Variants in OR5T1 observed in about 807,000 individuals in gnomAD.
OR5T1 encodes the protein olfactory receptor 5T1.
Under a neutral mutation model 10.1 loss-of-function variants are expected in OR5T1, and 14 were observed. The observed-to-expected ratio is 1.39, with a 90% CI of 0.92 to 2.18. The LOEUF is 2.18. OR5T1 is among the 30% of genes most tolerant of loss of function. The pLI is 0.00. For missense variants in OR5T1, 461 were observed against 383.9 expected (o/e 1.20, Z -1.68); for synonymous variants, 166 against 141.2 (o/e 1.18, Z -1.24).
Position 56,275,793 on chromosome 11 carries a change from T to C in OR5T1, c.155T>C (p.Ile52Thr), listed in dbSNP as rs373436867. 29 of 1,612,994 alleles carry C rather than the reference T, an allele frequency of 1.8e-5. No homozygotes were observed. The highest frequency in any genetic ancestry group is 3.3e-5 in the South Asian group (3 of 91,054). ...LFLAIYLFTL[I>T]GNLGLVVPII... ...TTAGCAATCTATCTATTCACTCTAA[T>C]AGGCAATTTAGGGCTGGTTGTACCG... Residue 52 changes from isoleucine to threonine, a missense_variant, in exon 3 of 3, where the codon ATA becomes ACA. By Grantham distance (89) the Ile-to-Thr change is moderately conservative (BLOSUM62 -1). Transcript: ENST00000641665.
intron 2 of OR5T1, among the ~76,000 whole-genome samples, chr11:56,275,119 T>C (rs1590816674): frequency 6.6e-6 from 1 of 152,344 alleles, no homozygotes; most frequent in East Asian, 1.9e-4. Context: ...ACTGATTAAA[T>C]AGACTTTTTT....
At position 56,276,111 on chromosome 11, in the gene OR5T1, C is replaced by A; in HGVS notation, c.473C>A (p.Thr158Asn). The A allele has an allele frequency of 3.7e-6, 6 of 1,614,182 alleles. No homozygotes were observed. The highest frequency in any genetic ancestry group is 1.6e-4 in the Middle Eastern group (1 of 6,062). ...MSPRVYVPLI[T>N]ASYVASILHA... ...CCCAGAGTCTATGTGCCACTCATCA[C>A]TGCTTCCTATGTTGCTAGCATTTTA... is the stretch of plus-strand genomic sequence containing the variant. The change falls in exon 3 of 3, where the codon ACT (threonine) becomes AAT (asparagine). Residue 158 changes from threonine (T) to asparagine (N), a missense_variant. Thr to Asn is a moderately conservative substitution (Grantham distance 65). Transcript: ENST00000641665.
rs1346998515 is a variant in OR5T1, at chr11:56,275,787, C to G, written c.149C>G (p.Thr50Ser). 1 of 1,612,896 alleles carries G rather than the reference C, an allele frequency of 6.2e-7. No homozygotes were observed. The highest frequency in any genetic ancestry group is 1.3e-5 in the African/African-American group (1 of 75,020). ...TTATTTTTAGCAATCTATCTATTCACTCTAATAGGCAATTTAGGGCTGGTT... is the reference window on the plus strand; with the variant it reads ...TTATTTTTAGCAATCTATCTATTCAGTCTAATAGGCAATTTAGGGCTGGTT... The part of the protein sequence containing the change: ...FLLFLAIYLF[T>S]LIGNLGLVVP... Residue 50 changes from threonine to serine, a missense_variant, in exon 3 of 3, where the codon ACT becomes AGT. Thr to Ser is a moderately conservative substitution (Grantham distance 58, BLOSUM62 1). Transcript: ENST00000641665.
At chr11:56,275,171 T>C (rs535266637) in intron 2 of OR5T1, among the ~76,000 whole-genome samples, 42 of 152,216 alleles carry the variant, frequency 2.8e-4, no homozygotes, top group Non-Finnish European at 5.3e-4. Context: ...ATGTGCAGTT[T>C]TGTTACATAG....
chr11:56,276,536 A>G lies in OR5T1; in HGVS notation c.898A>G (p.Ile300Val), dbSNP rs1320394525. Residue 300 changes from isoleucine to valine, a missense_variant, in exon 3 of 3, where the codon ATC (isoleucine) becomes GTC (valine). Transcript: ENST00000641665. Reference protein sequence around the residue: ...YTIVIPMLNPIIYSLRNKDVK... With the variant: ...YTIVIPMLNPVIYSLRNKDVK... Reference sequence around the variant, plus strand: ...CATTGTGATTCCCATGCTGAATCCCATCATCTACAGTTTGCGGAACAAAGA... The same window carrying G: ...CATTGTGATTCCCATGCTGAATCCCGTCATCTACAGTTTGCGGAACAAAGA... 9 of 1,613,522 alleles carry G rather than the reference A, an allele frequency of 5.6e-6. No individual in the cohort carries two copies. The highest frequency in any genetic ancestry group is 7.6e-6 in the Non-Finnish European group (9 of 1,179,408).
Position 56,276,618 on chromosome 11 carries a change from A to G in OR5T1, c.980A>G (p.Ter327TrpextTer2), listed in dbSNP as rs766609213. 6.2e-7 allele frequency: 1 copy of G among 1,600,520 alleles called. No homozygotes were observed. Among genetic ancestry groups the G allele is most frequent in the Non-Finnish European group, 8.5e-7 (1 of 1,172,178 alleles). The change falls in exon 3 of 3, where the codon TAG (stop) becomes TGG (tryptophan). Residue 327 changes from the stop codon to tryptophan, a stop_lost. Transcript: ENST00000641665. ...LVRNWFINKL[*>W] ...AGAAATTGGTTCATAAATAAGTTAT[A>G]GTTTTAAAATTGAGTAAAGTTGCAA...
At chr11:56,275,408 T>C (rs1281786019) in intron 2 of OR5T1, 78 bp from the exon 3 acceptor site, 11 of 370,132 alleles carry the variant, frequency 3.0e-5, no homozygotes, top group Non-Finnish European at 3.8e-5. Flanking sequence ...AATGATGGCT[T>C]CCAGCTTCAT....
chr11:56,274,576 T>C (rs906772252), intron 1 of OR5T1, 60 bp from the exon 2 acceptor site: 6 of 151,928 alleles, frequency 3.9e-5, no homozygotes, highest in African/African-American at 1.2e-4. Flanking sequence ...ATCTGAAAAA[T>C]AATAATGCTT....
rs1459751579 is a variant in OR5T1 at position 56,275,643 on chromosome 11, C to T, written c.5C>T (p.Ser2Leu). The T allele has an allele frequency of 6.4e-7, 1 of 1,561,484 alleles. No individual in the cohort carries two copies. The highest frequency in any genetic ancestry group is 8.6e-7 in the Non-Finnish European group (1 of 1,159,174). The change falls in exon 3 of 3, where the codon TCA becomes TTA. Residue 2 changes from serine to leucine, a missense_variant. By Grantham distance (145) the Ser-to-Leu change is moderately radical. Coordinates refer to ENST00000641665, the MANE Select transcript of OR5T1 (RefSeq NM_001004745.2). ...TACATATAAACAATAGCTAAAATGTCAGGGTTGCCTTCAGATATGGATCTA... is the reference window on the plus strand; with the variant it reads ...TACATATAAACAATAGCTAAAATGTTAGGGTTGCCTTCAGATATGGATCTA... MSGLPSDMDLYK... is the reference protein window; with the variant it reads MLGLPSDMDLYK...
rs376463706 is a variant in OR5T1 at position 56,275,822 on chromosome 11, A to G, written c.184A>G (p.Ile62Val). 1.2e-6 allele frequency: 2 copies of G among 1,613,674 alleles called. No homozygotes were observed. Among genetic ancestry groups the G allele is most frequent in the Non-Finnish European group, 1.7e-6 (2 of 1,179,590 alleles). The change falls in exon 3 of 3, where the codon ATT (isoleucine) becomes GTT (valine). Residue 62 changes from isoleucine to valine, a missense_variant. Transcript: ENST00000641665. ...IGNLGLVVPI[I>V]GDFWLHSPMY... Reference sequence around the variant, plus strand: ...CAATTTAGGGCTGGTTGTACCGATCATTGGGGATTTCTGGCTTCACAGCCC... The same window carrying G: ...CAATTTAGGGCTGGTTGTACCGATCGTTGGGGATTTCTGGCTTCACAGCCC...
Position 56,275,671 on chromosome 11 carries a change from C to G in OR5T1, c.33C>G (p.Tyr11Ter). Reference sequence around the variant, plus strand: ...GGTTGCCTTCAGATATGGATCTATACAAGCTTCAATTAAACAATTTTACTG... The same window carrying G: ...GGTTGCCTTCAGATATGGATCTATAGAAGCTTCAATTAAACAATTTTACTG... MSGLPSDMDL[Y>*]KLQLNNFTEV... The change falls in exon 3 of 3, where the codon TAC (tyrosine) becomes TAG (stop). Residue 11 changes from tyrosine to a stop codon, truncating the protein, a stop_gained. Coordinates refer to ENST00000641665, the MANE Select transcript of OR5T1 (RefSeq NM_001004745.2). LOFTEE classifies it high-confidence loss of function. 6.2e-7 allele frequency: 1 copy of G among 1,604,594 alleles called. No homozygotes were observed. The highest frequency in any genetic ancestry group is 8.5e-7 in the Non-Finnish European group (1 of 1,175,396).
At position 56,276,089 on chromosome 11, in the gene OR5T1, A is replaced by G. The variant is rs750420560; in HGVS notation, c.451A>G (p.Arg151Gly). The G allele has an allele frequency of 3.1e-6, 5 of 1,614,084 alleles. No homozygotes were observed. The highest frequency in any genetic ancestry group is 2.7e-5 in the African/African-American group (2 of 74,928). The change falls in exon 3 of 3, where the codon AGA becomes GGA. Residue 151 changes from arginine to glycine, a missense_variant. Physicochemically the swap from Arg to Gly is moderately radical, Grantham distance 125 (BLOSUM62 -2). Coordinates refer to ENST00000641665, the MANE Select transcript of OR5T1 (RefSeq NM_001004745.2). Reference sequence around the variant, plus strand: ...CCTGTATTCAGTGAGCATGTCACCCAGAGTCTATGTGCCACTCATCACTGC... The same window carrying G: ...CCTGTATTCAGTGAGCATGTCACCCGGAGTCTATGTGCCACTCATCACTGC... ...PLLYSVSMSP[R>G]VYVPLITASY...
chr11:56,276,009 G>T lies in OR5T1; in HGVS notation c.371G>T (p.Cys124Phe), dbSNP rs765284272. The change falls in exon 3 of 3, where the codon TGC (cysteine) becomes TTC (phenylalanine). Residue 124 changes from cysteine (C) to phenylalanine (F), a missense_variant. Transcript: ENST00000641665. ...GCTTGTACTTTTGGAACCACAGAATGCTTTCTCTTGGCTGCAATGGCTTAT... is the reference window on the plus strand; with the variant it reads ...GCTTGTACTTTTGGAACCACAGAATTCTTTCTCTTGGCTGCAATGGCTTAT... ...FLACTFGTTE[C>F]FLLAAMAYDR... The T allele has an allele frequency of 1.5e-5, 24 of 1,614,028 alleles. No individual in the cohort carries two copies. Among genetic ancestry groups the T allele is most frequent in the African/African-American group, 4.0e-5 (3 of 74,922 alleles).
chr11:56,274,862 T>C (rs529270717), intron 2 of OR5T1, 109 bp downstream of exon 2: 13 of 152,214 alleles, frequency 8.5e-5, no homozygotes, highest in South Asian at 6.2e-4. Flanking sequence ...AAGCCTGACA[T>C]TGCATTTTCT....
rs1853927327 is a variant in OR5T1 at position 56,275,648 on chromosome 11, T to C, written c.10T>C (p.Leu4=). MSG[L]PSDMDLYKLQ... ...ATAAACAATAGCTAAAATGTCAGGG[T>C]TGCCTTCAGATATGGATCTATACAA... Residue 4 remains leucine, a synonymous_variant, in exon 3 of 3, where the codon TTG becomes CTG. Transcript: ENST00000641665. 3 of 1,568,086 alleles carry C rather than the reference T, an allele frequency of 1.9e-6. No individual in the cohort carries two copies. Among genetic ancestry groups the C allele is most frequent in the Non-Finnish European group, 2.6e-6 (3 of 1,161,890 alleles).
At chr11:56,275,375 G>A (rs188666468) in intron 2 of OR5T1, 111 bp from the exon 3 acceptor site, 11 of 302,352 alleles carry the variant, frequency 3.6e-5, no homozygotes, top group Non-Finnish European at 6.0e-5. Flanking sequence ...TTTGGTTTTC[G>A]GTTCTTGAGA....
chr11:56,275,692 T>G lies in OR5T1; in HGVS notation c.54T>G (p.Phe18Leu). The G allele has an allele frequency of 6.2e-7, 1 of 1,606,276 alleles. No individual in the cohort carries two copies. The highest frequency in any genetic ancestry group is 8.5e-7 in the Non-Finnish European group (1 of 1,174,874). The change falls in exon 3 of 3, where the codon TTT (phenylalanine) becomes TTG (leucine). Residue 18 changes from phenylalanine to leucine, a missense_variant. Coordinates refer to ENST00000641665, the MANE Select transcript of OR5T1 (RefSeq NM_001004745.2). ...TATACAAGCTTCAATTAAACAATTT[T>G]ACTGAAGTCACCATGTTTATATTAA... is the stretch of plus-strand genomic sequence containing the variant. ...MDLYKLQLNN[F>L]TEVTMFILIS... is the part of the protein sequence containing the mutation.
Position 56,276,365 on chromosome 11 carries a change from G to A in OR5T1, c.727G>A (p.Ala243Thr), listed in dbSNP as rs372661126. The change falls in exon 3 of 3, where the codon GCT (alanine) becomes ACT (threonine). Residue 243 changes from alanine (A) to threonine (T), a missense_variant. Ala to Thr is a moderately conservative substitution (Grantham distance 58). Transcript: ENST00000641665. Reference protein sequence around the residue: ...ILLAILKMQSAEGRRKVFSTC... With the variant: ...ILLAILKMQSTEGRRKVFSTC... ...GTTGGCCATTCTGAAGATGCAGTCT[G>A]CTGAAGGGAGGAGAAAAGTCTTCTC... The A allele has an allele frequency of 2.3e-4, 377 of 1,613,992 alleles. 2 individuals are homozygous for A. Among genetic ancestry groups the A allele is most frequent in the South Asian group, 1.4e-3 (127 of 91,096 alleles).
At position 56,276,399 on chromosome 11, in the gene OR5T1, G is replaced by T. The variant is rs760019236; in HGVS notation, c.761G>T (p.Gly254Val). ...EGRRKVFSTCGAHLTGVTIYH... is the reference protein window; with the variant it reads ...EGRRKVFSTCVAHLTGVTIYH... ...AGGAGAAAAGTCTTCTCTACATGTG[G>T]AGCTCACCTAACTGGAGTGACAATT... Residue 254 changes from glycine (G) to valine (V), a missense_variant, in exon 3 of 3, where the codon GGA becomes GTA. Transcript: ENST00000641665. 3 of 1,614,058 alleles carry T rather than the reference G, an allele frequency of 1.9e-6. 1 individual carries two copies. The South Asian group carries it at 3.3e-5, about 18-fold the overall frequency.
Sources: allele counts gnomAD v4.1 joint callset (sites outside exome capture counted in the v4.1 genomes callset), GRCh38; gene constraint gnomAD v4.1.1; transcripts MANE v1.5; gene names NCBI Gene and HGNC (gene_info 2026-07-23, HGNC 2026-07-21).